KLHL26: variants seen among roughly 807,000 people sequenced by gnomAD.
KLHL26 encodes the protein kelch like family member 26.
A neutral mutation model predicts 7.1 loss-of-function variants in KLHL26; 4 were observed. That is an observed-to-expected ratio of 0.56 (90% CI 0.28 to 1.28). The LOEUF is 1.28. KLHL26 is among the 50% of genes most tolerant of loss of function. The pLI is 0.11. For missense variants in KLHL26, 896 were observed against 924.6 expected (o/e 0.97, Z 0.40); for synonymous variants, 465 against 414.1 (o/e 1.12, Z -1.49).
chr19:18,642,338 A>AGTGT (rs1204260630), intron 1 of KLHL26, among the ~76,000 whole-genome samples: 6,701 of 123,782 alleles, frequency 0.054, 252 homozygotes, highest in South Asian at 0.067. Context: ...CTAGTCACCT[A>AGTGT]GTGTGTGTGT....
chr19:18,652,863 T>G (rs2052275258), intron 1 of KLHL26, among the ~76,000 whole-genome samples: 1 of 152,164 alleles, frequency 6.6e-6, no homozygotes, highest in Non-Finnish European at 1.5e-5. Flanking sequence ...GGCTCCGTTG[T>G]CGGCAGGCAG....
In KLHL26 at chr19:18,668,821, A is replaced by G. The variant is rs199645016; in HGVS notation, c.1424A>G (p.Lys475Arg). 1.9e-4 allele frequency: 305 copies of G among 1,595,354 alleles called. No individual in the cohort carries two copies. The highest frequency in any genetic ancestry group is 2.4e-4 in the Non-Finnish European group (288 of 1,177,762). The change falls in exon 3 of 3, where the codon AAG becomes AGG. Residue 475 changes from lysine (K) to arginine (R), a missense_variant. Coordinates refer to ENST00000300976, the MANE Select transcript of KLHL26 (RefSeq NM_018316.3). Reference protein sequence around the residue: ...SGGYGISVEDKKALHCYDPVA... With the variant: ...SGGYGISVEDRKALHCYDPVA... ...GGCTACGGGATCTCAGTGGAGGACA[A>G]GAAGGCCCTGCACTGCTACGACCCC...
intron 1 of KLHL26, among the ~76,000 whole-genome samples, chr19:18,647,382 C>T (rs906196837): frequency 2.0e-5 from 3 of 152,216 alleles, no homozygotes; most frequent in African/African-American, 7.2e-5. Flanking sequence ...TTTTATCTCA[C>T]CCACCTCTCC....
rs374949087 is a variant in KLHL26, at chr19:18,649,491, T to C, written c.83+12354T>C. Among the ~76,000 whole-genome samples the C allele has an allele frequency of 1.3e-5, 2 of 152,356 alleles. No individual in the cohort carries two copies. The highest frequency in any genetic ancestry group is 1.9e-4 in the East Asian group (1 of 5,186). On this transcript the variant is annotated intron_variant, in intron 1 of 2. Transcript: ENST00000300976. The surrounding 1 kb of genome is among the most constrained non-coding windows in gnomAD (Gnocchi z 4.0). Reference sequence around the variant, plus strand: ...AGGCATGTTGTCAGTAAACCAGCCCTGTTACCTGTTACAGAGCCCAGGGCA... The same window carrying C: ...AGGCATGTTGTCAGTAAACCAGCCCCGTTACCTGTTACAGAGCCCAGGGCA...
chr19:18,652,589 C>CAA (rs5827418), intron 1 of KLHL26, among the ~76,000 whole-genome samples: 2 of 87,652 alleles, frequency 2.3e-5, no homozygotes, highest in Admixed American at 1.1e-4. Flanking sequence ...GACTCCATCT[C>CAA]AAAAAAAAAA....
At chr19:18,657,765 C>T (rs2052349041) in intron 1 of KLHL26, among the ~76,000 whole-genome samples, 1 of 152,184 alleles carries the variant, frequency 6.6e-6, no homozygotes, top group African/African-American at 2.4e-5. Flanking sequence ...TTGGAAGGGG[C>T]GGCCCCTTAT....
At chr19:18,664,231 G>A in intron 1 of KLHL26, 30 bp from the exon 2 acceptor site, 1 of 1,566,254 alleles carries the variant, frequency 6.4e-7, no homozygotes, top group Non-Finnish European at 8.6e-7. Context: ...GAACCTCTGG[G>A]CCATGTCCCC....
chr19:18,668,175 G>C lies in KLHL26; in HGVS notation c.778G>C (p.Glu260Gln), dbSNP rs767596814. The change falls in exon 3 of 3, where the codon GAG (glutamate) becomes CAG (glutamine). Residue 260 changes from glutamate (E) to glutamine (Q), a missense_variant. Glu to Gln is a conservative substitution (Grantham distance 29). Transcript: ENST00000300976. ...HIRFPLMQSSELVDSVQTLDI... is the reference protein window; with the variant it reads ...HIRFPLMQSSQLVDSVQTLDI... ...TCGCTTCCCGCTCATGCAGTCGTCC[G>C]AGCTGGTGGACAGCGTGCAGACGCT... 2.5e-6 allele frequency: 4 copies of C among 1,610,292 alleles called. No homozygotes were observed. The highest frequency in any genetic ancestry group is 1.1e-5 in the South Asian group (1 of 91,074).
intron 1 of KLHL26, among the ~76,000 whole-genome samples, chr19:18,640,458 G>A (rs1327483801): frequency 1.3e-5 from 2 of 151,804 alleles, no homozygotes; most frequent in Non-Finnish European, 2.9e-5. Context: ...GCCCAGGCTG[G>A]TCTTGAATTC....
intron 1 of KLHL26, among the ~76,000 whole-genome samples, chr19:18,659,324 C>T (rs2052368165): frequency 6.6e-6 from 1 of 152,244 alleles, no homozygotes; most frequent in Admixed American, 6.5e-5. Flanking sequence ...CTGACATCCC[C>T]TGCTGTCCCC....
chr19:18,657,427 T>TGTCTCTGAGTCTCTGG (rs558700019), intron 1 of KLHL26, among the ~76,000 whole-genome samples: 1 of 152,030 alleles, frequency 6.6e-6, no homozygotes, highest in South Asian at 2.1e-4. Flanking sequence ...TGTGTCTCCC[T>TGTCTCTGAGTCTCTGG]GTCTCTGAGT....
chr19:18,637,608 C>T (rs777613952), intron 1 of KLHL26, among the ~76,000 whole-genome samples: 2 of 147,078 alleles, frequency 1.4e-5, no homozygotes, highest in Non-Finnish European at 1.5e-5. Flanking sequence ...GTCCTGAGAG[C>T]GTGCTGAGGG....
chr19:18,637,298 C>T (rs1976636725), intron 1 of KLHL26, among the ~76,000 whole-genome samples, 161 bp downstream of exon 1: 1 of 151,846 alleles, frequency 6.6e-6, no homozygotes, highest in South Asian at 2.1e-4. Context: ...CTGGAGGAGC[C>T]GAGGGCTACT....
intron 1 of KLHL26, among the ~76,000 whole-genome samples, chr19:18,642,784 T>C (rs2145371090): frequency 6.6e-6 from 1 of 151,970 alleles, no homozygotes; most frequent in East Asian, 1.9e-4. Flanking sequence ...CAAGCTATCC[T>C]TCTGCTTCAG....
rs988975772 is a variant in KLHL26, at chr19:18,648,705, A to G, written c.83+11568A>G. ...GAGGGCTTCAGGTCTTCCCACCAGC[A>G]GGTCCCAGTCCTGGGAATGTCCCTC... On this transcript the variant is annotated intron_variant, in intron 1 of 2. Transcript: ENST00000300976. The surrounding 1 kb of genome is among the most constrained non-coding windows in gnomAD (Gnocchi z 4.9). Among the ~76,000 whole-genome samples the G allele has an allele frequency of 5.7e-4, 87 of 152,268 alleles. No homozygotes were observed. Among genetic ancestry groups the G allele is most frequent in the Non-Finnish European group, 2.6e-4 (18 of 68,012 alleles).
Position 18,648,980 on chromosome 19 carries a change from ACT to A in KLHL26, c.83+11847_83+11848del, listed in dbSNP as rs1976852866. 6.6e-6 allele frequency among the ~76,000 whole-genome samples: 1 copy of A among 151,808 alleles called. No homozygotes were observed. The highest frequency in any genetic ancestry group is 6.6e-5 in the Admixed American group (1 of 15,240). Reference sequence around the variant, plus strand: ...CCGGCCACCTGCCAGTGGCTCCCTCACTCTCAGAACAAAATCTACTTCTTGAT... The same window carrying A: ...CCGGCCACCTGCCAGTGGCTCCCTCACTCAGAACAAAATCTACTTCTTGAT... On this transcript the variant is annotated intron_variant, in intron 1 of 2. Coordinates refer to ENST00000300976, the MANE Select transcript of KLHL26 (RefSeq NM_018316.3). The surrounding 1 kb of genome is among the most constrained non-coding windows in gnomAD (Gnocchi z 4.9).
At chr19:18,658,341 G>A (rs893487015) in intron 1 of KLHL26, among the ~76,000 whole-genome samples, 1 of 151,766 alleles carries the variant, frequency 6.6e-6, no homozygotes, top group African/African-American at 2.4e-5. Flanking sequence ...GGGATTCCAG[G>A]CCCCCCACAG....
At position 18,669,342 on chromosome 19, in the gene KLHL26, G is replaced by T. The variant is rs1457206892; in HGVS notation, c.*97G>T. The stretch of plus-strand genomic sequence containing the variant: ...CCTGAGAACCCCAGTGCCCCCCTTC[G>T]CCCGGGCTGCCCTTGAGGGGCCTGC... On this transcript the variant is annotated 3_prime_UTR_variant, in exon 3 of 3. Transcript: ENST00000300976. The T allele has an allele frequency of 7.4e-6, 7 of 946,550 alleles. No homozygotes were observed. Among genetic ancestry groups the T allele is most frequent in the Admixed American group, 6.4e-5 (3 of 46,756 alleles). 58.6% of individuals were successfully genotyped at this position (946,550 alleles called of 1,614,324 possible). A position where few individuals can be genotyped will look rare whatever the true frequency, so the allele number is the denominator to read the frequency against.
intron 1 of KLHL26, among the ~76,000 whole-genome samples, chr19:18,657,259 C>G: frequency 6.6e-6 from 1 of 150,688 alleles, no homozygotes; most frequent in Non-Finnish European, 1.5e-5. Context: ...GTCTCCCTGT[C>G]TCTGTCATGA....
Sources: allele counts gnomAD v4.1 joint callset (sites outside exome capture counted in the v4.1 genomes callset), GRCh38; gene constraint gnomAD v4.1.1; non-coding constraint Gnocchi (gnomAD v3.1); transcripts MANE v1.5; gene names NCBI Gene and HGNC (gene_info 2026-07-23, HGNC 2026-07-21).